The following SVIL variants were observed in gnomAD, a reference collection of about 807,000 sequenced individuals.
The protein encoded by SVIL is archvillin.
SVIL carries 101 observed loss-of-function variants against 240.4 expected under a neutral mutation model. That is an observed-to-expected ratio of 0.42 (90% CI 0.36 to 0.50). SVIL has a LOEUF of 0.50. SVIL is among the 20% of genes least tolerant of loss of function. The probability of loss-of-function intolerance (pLI) is 0.01; values close to 1 mark genes in which losing one functional copy is unlikely to be tolerated. For synonymous variants in SVIL, 999 were observed against 1,100.0 expected (o/e 0.91, Z 1.82); for missense variants, 2,512 against 2,818.7 (o/e 0.89, Z 2.46).
intron 3 of SVIL, among the ~76,000 whole-genome samples, chr10:29,560,591 CAGAA>C (rs1277436735): frequency 2.0e-5 from 3 of 152,068 alleles, no homozygotes; most frequent in Admixed American, 6.5e-5. Flanking sequence ...AGGAAATGAA[CAGAA>C]AGAGACTTCC....
Position 29,727,398 on chromosome 10 carries a change from G to A in SVIL, c.-400+8353C>T, listed in dbSNP as rs558176864. Among the ~76,000 whole-genome samples the A allele has an allele frequency of 5.3e-5, 8 of 151,848 alleles. No individual in the cohort carries two copies. In the South Asian group the frequency reaches 1.5e-3, roughly 28 times the overall value. ...GCCTCCTCAGCCTCCCAAGTAGCTG[G>A]GACTATAAGTGGGGACCTCCACACC... On this transcript the variant is annotated intron_variant, in intron 1 of 35. Transcript: ENST00000375400.
At chr10:29,494,134 C>G (rs376728700) in intron 20 of SVIL, among the ~76,000 whole-genome samples, 12 of 152,078 alleles carry the variant, frequency 7.9e-5, no homozygotes, top group African/African-American at 2.9e-4. Flanking sequence ...CACCACTGCA[C>G]TTTAGCCTGG....
chr10:29,680,937 G>A (rs141221821), intron 2 of SVIL, among the ~76,000 whole-genome samples: 2 of 151,814 alleles, frequency 1.3e-5, no homozygotes, highest in African/African-American at 4.8e-5. Flanking sequence ...AAATAGCAAA[G>A]AAAGTGGGAG....
intron 2 of SVIL, among the ~76,000 whole-genome samples, chr10:29,675,950 A>C (rs1175791855): frequency 6.6e-6 from 1 of 152,184 alleles, no homozygotes; most frequent in Non-Finnish European, 1.5e-5. Context: ...ACCAACCATC[A>C]GTCCTCTGAG....
intron 22 of SVIL, among the ~76,000 whole-genome samples, chr10:29,489,654 C>T (rs1947762818): frequency 6.6e-6 from 1 of 151,938 alleles, no homozygotes; most frequent in African/African-American, 2.4e-5. Flanking sequence ...GTTTAGTGAT[C>T]CTCCCACCTC....
intron 29 of SVIL, among the ~76,000 whole-genome samples, chr10:29,478,414 C>T (rs565203814): frequency 5.9e-5 from 9 of 152,282 alleles, no homozygotes; most frequent in African/African-American, 2.2e-4. Context: ...ACCTGCTAAA[C>T]GTCATATATA....
At chr10:29,496,395 A>C in intron 18 of SVIL, 1 of 455,830 alleles carries the variant, frequency 2.2e-6, no homozygotes, top group South Asian at 1.6e-5. Context: ...ATCTTTACTC[A>C]CTAGAAGGAT....
intron 36 of SVIL, 21 bp downstream of exon 36, chr10:29,462,256 A>G (rs1944348623): frequency 1.9e-6 from 3 of 1,611,452 alleles, no homozygotes; most frequent in Non-Finnish European, 2.5e-6. Context: ...CCACCTTCAT[A>G]GGGCAGGAAA....
chr10:29,596,754 T>C (rs1376269621), intron 1 of SVIL, among the ~76,000 whole-genome samples: 3 of 152,246 alleles, frequency 2.0e-5, no homozygotes, highest in Non-Finnish European at 4.4e-5. Flanking sequence ...AGTCACACTA[T>C]ACTGTCCATT....
intron 1 of SVIL, among the ~76,000 whole-genome samples, chr10:29,586,777 A>C (rs1308519399): frequency 1.3e-5 from 2 of 152,202 alleles, no homozygotes; most frequent in Non-Finnish European, 2.9e-5. Flanking sequence ...ATCCTTGGAA[A>C]ACTAACGTAG....
Position 29,671,560 on chromosome 10 carries a change from A to G in SVIL, c.-300-13492T>C, listed in dbSNP as rs140977759. 2.4e-3 allele frequency among the ~76,000 whole-genome samples: 362 copies of G among 152,296 alleles called. 1 individual carries two copies. Among genetic ancestry groups the G allele is most frequent in the African/African-American group, 8.3e-3 (345 of 41,570 alleles). ...GTCAAGGATGCATTCTGCTTTTCCA[A>G]ACTGAAGCTGGGACTTCCGATCACA... On this transcript the variant is annotated intron_variant, in intron 2 of 35. Coordinates refer to the SVIL transcript ENST00000375400.
chr10:29,709,588 G>A (rs1374886628), intron 1 of SVIL, among the ~76,000 whole-genome samples: 1 of 152,176 alleles, frequency 6.6e-6, no homozygotes, highest in African/African-American at 2.4e-5. Context: ...AGGAGGAAGC[G>A]ACTTTTCTCC....
chr10:29,600,599 G>A (rs977566180), intron 1 of SVIL, among the ~76,000 whole-genome samples: 1 of 152,152 alleles, frequency 6.6e-6, no homozygotes, highest in Admixed American at 6.5e-5. Context: ...ATAAACAGCA[G>A]CATCATTTAC....
At chr10:29,732,453 A>C (rs938358144) in intron 1 of SVIL, among the ~76,000 whole-genome samples, 4 of 152,218 alleles carry the variant, frequency 2.6e-5, no homozygotes, top group Non-Finnish European at 5.9e-5. Context: ...TATATACAAT[A>C]TAGAGTATAT....
intron 6 of SVIL, among the ~76,000 whole-genome samples, chr10:29,542,206 T>C (rs547702425): frequency 5.6e-4 from 83 of 147,966 alleles, no homozygotes; most frequent in South Asian, 4.3e-3. Flanking sequence ...AGCACTGCTA[T>C]AGTTTGGTGA....
At chr10:29,528,273 A>G (rs2132549522) in intron 12 of SVIL, among the ~76,000 whole-genome samples, 1 of 152,342 alleles carries the variant, frequency 6.6e-6, no homozygotes, top group Middle Eastern at 3.4e-3. Flanking sequence ...AAACTGAGGA[A>G]CAACTCGGGG....
intron 3 of SVIL, among the ~76,000 whole-genome samples, chr10:29,650,774 C>T (rs1018376795): frequency 6.6e-6 from 1 of 152,162 alleles, no homozygotes; most frequent in South Asian, 2.1e-4. Flanking sequence ...CATAGCAAGA[C>T]TTTGTCTCTA....
chr10:29,644,165 G>A (rs570509063), intron 3 of SVIL, among the ~76,000 whole-genome samples: 5 of 152,222 alleles, frequency 3.3e-5, no homozygotes, highest in Non-Finnish European at 5.9e-5. Context: ...ATGAGCTGAC[G>A]GTGATGTGAC....
intron 1 of SVIL, among the ~76,000 whole-genome samples, chr10:29,717,063 T>C (rs1224424419): frequency 6.6e-6 from 1 of 151,790 alleles, no homozygotes; most frequent in African/African-American, 2.4e-5. Context: ...CTCTGTCTAC[T>C]AAAAATGCAA....
Sources: allele counts gnomAD v4.1 joint callset (sites outside exome capture counted in the v4.1 genomes callset), GRCh38; gene constraint gnomAD v4.1.1; transcripts MANE v1.5; gene names NCBI Gene and HGNC (gene_info 2026-07-23, HGNC 2026-07-21).